DOCK1: variants seen among roughly 807,000 people sequenced by gnomAD.
DOCK1 encodes dedicator of cytokinesis protein 1.
A neutral mutation model predicts 262.7 loss-of-function variants in DOCK1; 138 were observed. The observed-to-expected ratio is 0.53, with a 90% CI of 0.46 to 0.61. DOCK1 has a LOEUF of 0.61. Among genes scored for constraint, DOCK1 ranks in the 20% least tolerant of loss-of-function variants. The pLI, the probability that DOCK1 is intolerant of heterozygous loss-of-function variation, is 0.00. For synonymous variants in DOCK1, 866 were observed against 867.4 expected (o/e 1.00, Z 0.03); for missense variants, 1,908 against 2,370.7 (o/e 0.80, Z 4.05).
intron 1 of DOCK1, among the ~76,000 whole-genome samples, chr10:126,958,844 T>C (rs2036962227): frequency 6.6e-6 from 1 of 152,146 alleles, no homozygotes; most frequent in African/African-American, 2.4e-5. Flanking sequence ...CTGTGAAATA[T>C]TTGAAGAGAT....
intron 27 of DOCK1, among the ~76,000 whole-genome samples, chr10:127,194,387 G>T (rs1211275463): frequency 1.3e-5 from 2 of 152,174 alleles, no homozygotes; most frequent in Non-Finnish European, 2.9e-5. Context: ...AGCTCCTTGT[G>T]CATGTTTGCT....
chr10:127,204,207 C>T (rs1013701719), intron 27 of DOCK1, among the ~76,000 whole-genome samples: 6 of 152,120 alleles, frequency 3.9e-5, no homozygotes, highest in Admixed American at 6.5e-5. Context: ...GAGGCAAATC[C>T]TACAGAGCTT....
chr10:127,145,774 C>CA, intron 27 of DOCK1: 1 of 290,822 alleles, frequency 3.4e-6, no homozygotes, highest in Non-Finnish European at 6.8e-6. Flanking sequence ...CAGGAGCTCC[C>CA]ACTCCATCCT....
In DOCK1 at chr10:127,060,257, C is replaced by T. The variant is rs569167107; in HGVS notation, c.2337-1411C>T. On this transcript the variant is annotated intron_variant, in intron 22 of 51. Transcript: ENST00000623213. ...GAAAAATGATTGCAGCTTGATGGCT[C>T]CCGAAGGGTTGCACCAGTCTACCAG... is the stretch of plus-strand genomic sequence containing the variant. 8.9e-4 allele frequency among the ~76,000 whole-genome samples: 135 copies of T among 152,240 alleles called. 1 individual carries two copies. Among genetic ancestry groups the T allele is most frequent in the African/African-American group, 3.1e-3 (127 of 41,540 alleles).
intron 27 of DOCK1, among the ~76,000 whole-genome samples, chr10:127,166,741 T>C (rs955553213): frequency 2.6e-5 from 4 of 152,242 alleles, no homozygotes; most frequent in African/African-American, 9.6e-5. Flanking sequence ...GCATGGAGTT[T>C]TTAAAATTAT....
chr10:126,999,677 G>C (rs2040446772), intron 9 of DOCK1, among the ~76,000 whole-genome samples: 1 of 151,934 alleles, frequency 6.6e-6, no homozygotes, highest in African/African-American at 2.4e-5. Flanking sequence ...AATGTGTATC[G>C]TTTTTATTTT....
chr10:126,925,949 T>C (rs1202980083), intron 1 of DOCK1, among the ~76,000 whole-genome samples: 1 of 152,046 alleles, frequency 6.6e-6, no homozygotes, highest in Non-Finnish European at 1.5e-5. Flanking sequence ...CTGAGCTCCA[T>C]AAACTGAACC....
rs76245433 is a variant in DOCK1, at chr10:127,399,155, G to A, written c.3928-3900G>A. On this transcript the variant is annotated intron_variant, in intron 38 of 51. Coordinates refer to ENST00000623213, the MANE Select transcript of DOCK1 (RefSeq NM_001290223.2). The stretch of plus-strand genomic sequence containing the variant: ...GTCAACCGGCAATTTCAAGAATGCC[G>A]TAAATTGGATTAAGGATTTCGCATC... 5.5e-4 allele frequency among the ~76,000 whole-genome samples: 84 copies of A among 152,290 alleles called. No individual in the cohort carries two copies. In the East Asian group the frequency reaches 7.9e-3, roughly 14 times the overall value.
chr10:127,324,213 G>T (rs917923844), intron 29 of DOCK1, among the ~76,000 whole-genome samples: 1 of 152,238 alleles, frequency 6.6e-6, no homozygotes, highest in Non-Finnish European at 1.5e-5. Context: ...CAAGAGATGG[G>T]CTGAGCAAAG....
chr10:127,264,980 C>G (rs2060302852), intron 29 of DOCK1, among the ~76,000 whole-genome samples: 1 of 152,148 alleles, frequency 6.6e-6, no homozygotes, highest in African/African-American at 2.4e-5. Context: ...TGATGTAGAT[C>G]TTTATATAGG....
At chr10:126,962,451 AC>A (rs2037304779) in intron 1 of DOCK1, among the ~76,000 whole-genome samples, 1 of 149,520 alleles carries the variant, frequency 6.7e-6, no homozygotes, top group Admixed American at 6.7e-5. Context: ...GAACCACTGC[AC>A]CCGGCCAGTT....
chr10:126,972,734 A>G (rs2134700814), intron 2 of DOCK1, among the ~76,000 whole-genome samples: 1 of 152,022 alleles, frequency 6.6e-6, no homozygotes. Flanking sequence ...AGACCTACTA[A>G]CAGATCCATG....
intron 48 of DOCK1, among the ~76,000 whole-genome samples, chr10:127,434,501 A>G (rs1029124018): frequency 6.6e-6 from 1 of 152,166 alleles, no homozygotes; most frequent in African/African-American, 2.4e-5. Flanking sequence ...CTGTGCAGCC[A>G]TGACCACCAT....
chr10:127,032,179 C>A lies in DOCK1; in HGVS notation c.1771C>A (p.Leu591Met). The A allele has an allele frequency of 6.3e-7, 1 of 1,598,502 alleles. No homozygotes were observed. The highest frequency in any genetic ancestry group is 1.7e-5 in the Admixed American group (1 of 57,824). The change falls in exon 18 of 52, where the codon CTG becomes ATG. Residue 591 changes from leucine to methionine, a missense_variant. By Grantham distance (15) the Leu-to-Met change is conservative (BLOSUM62 2). Coordinates refer to ENST00000623213, the MANE Select transcript of DOCK1 (RefSeq NM_001290223.2). ...KLEDAATYLS[L>M]PSTKAELEEK... ...GGAAGATGCTGCCACGTACTTGAGT[C>A]TGCCCTCCACGAAGGCAGAGTTGGA...
At chr10:126,920,398 G>A (rs1383612708) in intron 1 of DOCK1, among the ~76,000 whole-genome samples, 3 of 152,204 alleles carry the variant, frequency 2.0e-5, no homozygotes, top group Non-Finnish European at 2.9e-5. Context: ...GATTTTGAAG[G>A]GAGATTGTGC....
intron 49 of DOCK1, among the ~76,000 whole-genome samples, chr10:127,443,255 G>A (rs1190300895): frequency 6.6e-6 from 1 of 152,198 alleles, no homozygotes; most frequent in African/African-American, 2.4e-5. Flanking sequence ...CTGTTACTGG[G>A]AAGTGTGCAG....
rs766433700 is a variant in DOCK1 at position 126,996,747 on chromosome 10, G to A, written c.474-1G>A. On this transcript the variant is annotated splice_acceptor_variant, in intron 6 of 51. Transcript: ENST00000623213. LOFTEE classifies it high-confidence loss of function. ...AACTTACTAAATTCTTGTTGTTCTA[G>A]AATTCTAGATTTGGACCTGGTGGTT... The A allele has an allele frequency of 6.2e-7, 1 of 1,604,724 alleles. No homozygotes were observed. Among genetic ancestry groups the A allele is most frequent in the South Asian group, 1.1e-5 (1 of 89,090 alleles).
At chr10:127,441,819 G>C (rs1472431567) in intron 49 of DOCK1, among the ~76,000 whole-genome samples, 3 of 150,734 alleles carry the variant, frequency 2.0e-5, no homozygotes, top group Non-Finnish European at 4.4e-5. Flanking sequence ...TACTTGATTT[G>C]CATCATCAAC....
chr10:127,188,200 GGCTGT>G (rs2056453382), intron 27 of DOCK1, among the ~76,000 whole-genome samples: 2 of 152,254 alleles, frequency 1.3e-5, no homozygotes, highest in South Asian at 2.1e-4. Context: ...GGCCTGGCTG[GGCTGT>G]GCTGTGCACA....
Sources: allele counts gnomAD v4.1 joint callset (sites outside exome capture counted in the v4.1 genomes callset), GRCh38; gene constraint gnomAD v4.1.1; transcripts MANE v1.5; gene names NCBI Gene and HGNC (gene_info 2026-07-23, HGNC 2026-07-21).